The following RUNX1T1 variants were observed in gnomAD, a reference collection of about 807,000 sequenced individuals.
The protein encoded by RUNX1T1 is RUNX1 partner transcriptional co-repressor 1, also known as protein CBFA2T1.
RUNX1T1 carries 4 observed loss-of-function variants against 62.8 expected under a neutral mutation model. That is an observed-to-expected ratio of 0.06 (90% CI 0.03 to 0.15). The LOEUF is 0.15. Among genes scored for constraint, RUNX1T1 ranks in the 10% least tolerant of loss-of-function variants. RUNX1T1 has a pLI of 1.00. For synonymous variants in RUNX1T1, 291 were observed against 286.0 expected, an observed-to-expected ratio of 1.02 and a Z score of -0.18; for missense variants, 508 against 754.3, an observed-to-expected ratio of 0.67 and a Z score of 3.82.
intron 2 of RUNX1T1, among the ~76,000 whole-genome samples, chr8:92,075,266 G>T (rs1371830911): frequency 6.6e-6 from 1 of 152,198 alleles, no homozygotes; most frequent in Non-Finnish European, 1.5e-5. Context: ...TTCTGCACAA[G>T]TCCACTATCC....
chr8:92,067,480 G>A (rs1422984122), upstream of RUNX1T1, among the ~76,000 whole-genome samples: 1 of 152,112 alleles, frequency 6.6e-6, no homozygotes, highest in East Asian at 1.9e-4. Context: ...TGGACTCTAC[G>A]ACTGTACTTT....
intron 1 of RUNX1T1, among the ~76,000 whole-genome samples, chr8:92,060,547 AT>A (rs1831779338): frequency 9.7e-6 from 1 of 102,792 alleles, no homozygotes; most frequent in East Asian, 2.1e-4. Flanking sequence ...ATATATATAT[AT>A]ATATATGTGT....
chr8:92,029,516 C>T (rs888925944), intron 1 of RUNX1T1, among the ~76,000 whole-genome samples: 2 of 152,080 alleles, frequency 1.3e-5, no homozygotes, highest in African/African-American at 4.8e-5. Flanking sequence ...TGTTAAAAAC[C>T]AATGCCAAAA....
intron 1 of RUNX1T1, among the ~76,000 whole-genome samples, chr8:92,060,471 T>C (rs1299779809): frequency 6.8e-6 from 1 of 147,686 alleles, no homozygotes; most frequent in Non-Finnish European, 1.5e-5. Context: ...ATGGCAATTG[T>C]TACATCATGT....
intron 1 of RUNX1T1, among the ~76,000 whole-genome samples, chr8:92,041,320 A>G (rs1288324593): frequency 6.6e-6 from 1 of 152,166 alleles, no homozygotes; most frequent in African/African-American, 2.4e-5. Context: ...CATCAAATAC[A>G]TGACTAAAGG....
intron 2 of RUNX1T1, among the ~76,000 whole-genome samples, chr8:92,074,377 T>C (rs1175305462): frequency 6.6e-6 from 1 of 152,172 alleles, no homozygotes; most frequent in Non-Finnish European, 1.5e-5. Flanking sequence ...TGGGTAAAGA[T>C]AGTAACTCTA....
chr8:91,975,760 G>C, intron 9 of RUNX1T1, 145 bp downstream of exon 10: 1 of 619,794 alleles, frequency 1.6e-6, no homozygotes, highest in Admixed American at 2.6e-5. Context: ...CAGGTGTTTT[G>C]TTTAGTGGTT....
At chr8:92,065,463 A>G (rs1005014461), upstream of RUNX1T1, among the ~76,000 whole-genome samples, 2 of 152,222 alleles carry the variant, frequency 1.3e-5, no homozygotes, top group Non-Finnish European at 2.9e-5. Flanking sequence ...TTAAGAACAC[A>G]GTCCATTTTT....
At chr8:92,099,011 T>C (rs1193472825) in intron 1 of RUNX1T1, among the ~76,000 whole-genome samples, 1 of 152,230 alleles carries the variant, frequency 6.6e-6, no homozygotes, top group Non-Finnish European at 1.5e-5. Context: ...AAGGTGTCTC[T>C]AGATAATAAT....
upstream of RUNX1T1, among the ~76,000 whole-genome samples, chr8:92,066,061 G>A (rs1249912373): frequency 6.6e-6 from 1 of 152,164 alleles, no homozygotes; most frequent in South Asian, 2.1e-4. Flanking sequence ...TTAACAAAGT[G>A]AAAAAACAAG....
At chr8:91,984,537 C>A (rs984116604) in intron 8 of RUNX1T1, among the ~76,000 whole-genome samples, 2 of 152,146 alleles carry the variant, frequency 1.3e-5, no homozygotes, top group African/African-American at 4.8e-5. Flanking sequence ...GAATGCCTAG[C>A]ACATTGCCTG....
intron 1 of RUNX1T1, among the ~76,000 whole-genome samples, chr8:92,033,742 C>T (rs563903849): frequency 3.9e-5 from 6 of 152,090 alleles, no homozygotes; most frequent in East Asian, 1.9e-4. Context: ...GAGGCTGAAG[C>T]GGGCGGATCA....
At chr8:91,998,633 C>T (rs533578890) in intron 5 of RUNX1T1, among the ~76,000 whole-genome samples, 3 of 152,216 alleles carry the variant, frequency 2.0e-5, no homozygotes, top group Non-Finnish European at 4.4e-5. Context: ...GCTTCCGTCA[C>T]GTGTCTGAAG....
At chr8:92,042,010 A>T (rs1349021237) in intron 1 of RUNX1T1, among the ~76,000 whole-genome samples, 1 of 151,872 alleles carries the variant, frequency 6.6e-6, no homozygotes, top group Admixed American at 6.6e-5. Flanking sequence ...TTTAGTAAAG[A>T]CAGGGCTTCG....
intron 1 of RUNX1T1, among the ~76,000 whole-genome samples, chr8:92,024,016 A>G (rs546182222): frequency 6.6e-6 from 1 of 152,182 alleles, no homozygotes; most frequent in Admixed American, 6.5e-5. Flanking sequence ...AAGCAAAGAG[A>G]AGTAATGAGA....
intron 2 of RUNX1T1, among the ~76,000 whole-genome samples, 188 bp downstream of exon 2, chr8:92,075,777 G>A (rs535826670): frequency 6.6e-6 from 1 of 152,100 alleles, no homozygotes; most frequent in Admixed American, 6.6e-5. Flanking sequence ...CCCACCACCA[G>A]ATTGATCCCC....
chr8:91,977,838 G>C (rs1011159269), intron 8 of RUNX1T1, among the ~76,000 whole-genome samples: 5 of 151,764 alleles, frequency 3.3e-5, no homozygotes, highest in Non-Finnish European at 7.4e-5. Context: ...GCCCAGGCTG[G>C]AGTGCAGTGG....
chr8:92,040,249 A>G (rs1828193511), intron 1 of RUNX1T1, among the ~76,000 whole-genome samples: 1 of 152,192 alleles, frequency 6.6e-6, no homozygotes, highest in African/African-American at 2.4e-5. Flanking sequence ...CAGAGCAAAG[A>G]GTTGATCATT....
At chr8:92,072,721 C>T (rs1833867227) in intron 2 of RUNX1T1, among the ~76,000 whole-genome samples, 1 of 152,176 alleles carries the variant, frequency 6.6e-6, no homozygotes, top group Non-Finnish European at 1.5e-5. Flanking sequence ...CTCAAAGCTC[C>T]ATGTGGGGTA....
Sources: allele counts gnomAD v4.1 joint callset (sites outside exome capture counted in the v4.1 genomes callset), GRCh38; gene constraint gnomAD v4.1.1; transcripts MANE v1.5; gene names NCBI Gene and HGNC (gene_info 2026-07-23, HGNC 2026-07-21).